The following SERPINA5 variants were observed in gnomAD, a reference collection of about 807,000 sequenced individuals.
The protein encoded by SERPINA5 is serpin family A member 5.
In SERPINA5, 25 loss-of-function variants were observed where a neutral mutation model predicts 25.3. The observed-to-expected ratio is 0.99, with a 90% CI of 0.72 to 1.38. SERPINA5 has a LOEUF of 1.38. Among genes scored for constraint, SERPINA5 ranks in the 40% most tolerant of loss-of-function variants. The pLI, the probability that SERPINA5 is intolerant of heterozygous loss-of-function variation, is 0.00. For synonymous variants in SERPINA5, 234 were observed against 206.2 expected (o/e 1.14, Z -1.16); for missense variants, 599 against 509.5 (o/e 1.18, Z -1.69).
At chr14:94,587,282 C>T (rs1885122065) in intron 2 of SERPINA5, 64 bp from the exon 3 acceptor site, 3 of 1,433,114 alleles carry the variant, frequency 2.1e-6, no homozygotes, top group Non-Finnish European at 1.9e-6. Flanking sequence ...GTGGGGACAT[C>T]TCTGGAAAGT....
rs75250001 is a variant in SERPINA5 at position 94,587,966 on chromosome 14, T to C, written c.604T>C (p.Tyr202His). Residue 202 changes from tyrosine (Y) to histidine (H), a missense_variant, in exon 3 of 6, where the codon TAC becomes CAC. Tyr to His is a moderately conservative substitution (Grantham distance 83). Coordinates refer to ENST00000329597, the MANE Select transcript of SERPINA5 (RefSeq NM_000624.6). ...CAATGCGGTCGTGATCATGGTGAAT[T>C]ACATCTTCTTTAAAGGTAAGGCCCT... ...DSNAVVIMVN[Y>H]IFFKAKWETS... 1.2e-5 allele frequency: 19 copies of C among 1,613,820 alleles called. No individual in the cohort carries two copies. In the East Asian group the frequency reaches 2.7e-4, roughly 23 times the overall value.
Position 94,587,635 on chromosome 14 carries a change from C to G in SERPINA5, c.273C>G (p.Ile91Met). The G allele has an allele frequency of 6.2e-7, 1 of 1,614,070 alleles. No individual in the cohort carries two copies. ...CTGGGTCCAGCACAAAGATGCAGAT[C>G]CTGGAGGGCCTGGGCCTCAACCTCC... ...LGAGSSTKMQILEGLGLNLQK... is the reference protein window; with the variant it reads ...LGAGSSTKMQMLEGLGLNLQK... Residue 91 changes from isoleucine to methionine, a missense_variant, in exon 3 of 6, where the codon ATC (isoleucine) becomes ATG (methionine). By Grantham distance (10) the Ile-to-Met change is conservative. Coordinates refer to ENST00000329597, the MANE Select transcript of SERPINA5 (RefSeq NM_000624.6).
At chr14:94,587,235 G>T in intron 2 of SERPINA5, 111 bp from the exon 3 acceptor site, 1 of 1,033,394 alleles carries the variant, frequency 9.7e-7, no homozygotes, top group Non-Finnish European at 1.4e-6. Context: ...CCTTCTCTTT[G>T]AAGCTGAATG....
Position 94,592,417 on chromosome 14 carries a change from G to C in SERPINA5, c.*178G>C. On this transcript the variant is annotated 3_prime_UTR_variant, in exon 6 of 6. Coordinates refer to ENST00000329597, the MANE Select transcript of SERPINA5 (RefSeq NM_000624.6). ...ACCCACACGACTGCAACATACAGGT[G>C]CCTTGGGGAAATGTGGAGAACATTC... 1.6e-6 allele frequency: 1 copy of C among 610,106 alleles called. No individual in the cohort carries two copies. The highest frequency in any genetic ancestry group is 2.8e-6 in the Non-Finnish European group (1 of 358,610). The allele number at this position is 610,106 out of a possible 1,614,324, so 37.8% of individuals were successfully genotyped here. A position where few individuals can be genotyped will look rare whatever the true frequency, so the allele number is the denominator to read the frequency against.
intron 3 of SERPINA5, 95 bp downstream of exon 3, chr14:94,588,076 G>A: frequency 6.7e-7 from 1 of 1,486,590 alleles, no homozygotes; most frequent in South Asian, 1.3e-5. Context: ...AAAAGACGGG[G>A]AGTACGTTAA....
At chr14:94,585,757 G>C (rs1885055992) in intron 2 of SERPINA5, among the ~76,000 whole-genome samples, 1 of 141,068 alleles carries the variant, frequency 7.1e-6, no homozygotes, top group South Asian at 2.4e-4. Flanking sequence ...GTGCTGTCAG[G>C]CTCACACGTG....
intron 5 of SERPINA5, among the ~76,000 whole-genome samples, chr14:94,591,167 C>T (rs1379540204): frequency 6.7e-6 from 1 of 149,164 alleles, no homozygotes; most frequent in East Asian, 2.0e-4. Flanking sequence ...TTCCACTCCT[C>T]CACTCCTCTC....
chr14:94,591,600 T>TTCTATTCTATTCTATTCTAC (rs1885303310), intron 5 of SERPINA5, among the ~76,000 whole-genome samples: 1 of 145,836 alleles, frequency 6.9e-6, no homozygotes, highest in Non-Finnish European at 1.5e-5. Context: ...TTCTATTCTA[T>TTCTATTCTATTCTATTCTAC]TCTATTCTAT....
chr14:94,590,817 G>A lies in SERPINA5; in HGVS notation c.959G>A (p.Ser320Asn), dbSNP rs2139931201. Residue 320 changes from serine to asparagine, a missense_variant, in exon 5 of 6, where the codon AGT becomes AAT. By Grantham distance (46) the Ser-to-Asn change is conservative. Coordinates refer to ENST00000329597, the MANE Select transcript of SERPINA5 (RefSeq NM_000624.6). ...TATCAGCTGGAGAAAGTCCTCCCCA[G>A]TCTGGGGATCAGTAACGTCTTCACC... ...GSYQLEKVLPSLGISNVFTSH... is the reference protein window; with the variant it reads ...GSYQLEKVLPNLGISNVFTSH... The A allele has an allele frequency of 1.2e-6, 2 of 1,614,034 alleles. No homozygotes were observed. Among genetic ancestry groups the A allele is most frequent in the Non-Finnish European group, 1.7e-6 (2 of 1,179,980 alleles).
chr14:94,584,040 T>C (rs1161962508), intron 2 of SERPINA5, among the ~76,000 whole-genome samples: 1 of 152,192 alleles, frequency 6.6e-6, no homozygotes, highest in Non-Finnish European at 1.5e-5. Context: ...AGGATAATGA[T>C]ACTAACTCCA....
rs141645745 is a variant in SERPINA5 at position 94,587,844 on chromosome 14, A to T, written c.482A>T (p.Asn161Ile). 5.3e-5 allele frequency: 85 copies of T among 1,613,840 alleles called. 1 individual carries two copies. In the African/African-American group the frequency reaches 1.0e-3, roughly 19 times the overall value. Residue 161 changes from asparagine (N) to isoleucine (I), a missense_variant, in exon 3 of 6, where the codon AAC (asparagine) becomes ATC (isoleucine). Coordinates refer to ENST00000329597, the MANE Select transcript of SERPINA5 (RefSeq NM_000624.6). ...TLYLADTFPT[N>I]FRDSAGAMKQ... ...TACCTGGCAGACACTTTCCCTACCA[A>T]CTTTAGGGACTCTGCAGGGGCCATG...
In SERPINA5 at chr14:94,592,220, G is replaced by T. The variant is rs763389023; in HGVS notation, c.1202G>T (p.Gly401Val). The T allele has an allele frequency of 1.5e-5, 24 of 1,613,466 alleles. No homozygotes were observed. The highest frequency in any genetic ancestry group is 1.9e-5 in the Non-Finnish European group (23 of 1,179,666). The change falls in exon 6 of 6, where the codon GGC becomes GTC. Residue 401 changes from glycine (G) to valine (V), a missense_variant. Gly to Val is a moderately radical substitution (Grantham distance 109). Coordinates refer to ENST00000329597, the MANE Select transcript of SERPINA5 (RefSeq NM_000624.6). Reference sequence around the variant, plus strand: ...GTGGATAACAACATCCTCTTCCTTGGCAAAGTGAACCGCCCCTGAGGTGGG... The same window carrying T: ...GTGGATAACAACATCCTCTTCCTTGTCAAAGTGAACCGCCCCTGAGGTGGG... ...FIVDNNILFL[G>V]KVNRP is the part of the protein sequence containing the mutation.
intron 2 of SERPINA5, among the ~76,000 whole-genome samples, chr14:94,583,288 G>A (rs916872925): frequency 3.9e-4 from 59 of 152,356 alleles, no homozygotes; most frequent in African/African-American, 1.4e-3. Context: ...AGCTACTGGG[G>A]TAGCCCTGGG....
intron 4 of SERPINA5, 118 bp downstream of exon 4, chr14:94,590,429 C>T (rs931325502): frequency 3.8e-6 from 5 of 1,305,628 alleles, no homozygotes; most frequent in African/African-American, 1.5e-5. Flanking sequence ...GGAGCTGCCT[C>T]CAGGCCCAGA....
Position 94,590,861 on chromosome 14 carries a change from G to C in SERPINA5, c.1003G>C (p.Gly335Arg), listed in dbSNP as rs3177818. ...CTTCACCTCCCATGCTGATCTGTCC[G>C]GCATCAGCAACCACTCAAATATCCA... Reference protein sequence around the residue: ...NVFTSHADLSGISNHSNIQVS... With the variant: ...NVFTSHADLSRISNHSNIQVS... Residue 335 changes from glycine to arginine, a missense_variant, in exon 5 of 6, where the codon GGC (glycine) becomes CGC (arginine). Transcript: ENST00000329597. 1 of 1,612,972 alleles carries C rather than the reference G, an allele frequency of 6.2e-7. No homozygotes were observed. The highest frequency in any genetic ancestry group is 8.5e-7 in the Non-Finnish European group (1 of 1,179,388).
intron 4 of SERPINA5, 112 bp downstream of exon 4, chr14:94,590,423 CT>C: frequency 7.4e-6 from 10 of 1,344,392 alleles, no homozygotes; most frequent in Middle Eastern, 2.7e-4. Context: ...AGCCAAGGAG[CT>C]GCCTCCAGGC....
rs199628386 is a variant in SERPINA5, at chr14:94,590,116, G to T, written c.695G>T (p.Arg232Leu). The T allele has an allele frequency of 3.7e-6, 6 of 1,613,974 alleles. No homozygotes were observed. The South Asian group carries it at 5.5e-5, about 15-fold the overall frequency. ...TACGTGACCTCGGAGACTGTGGTGC[G>T]GGTACCCATGATGAGCCGCGAGGAT... ...DFYVTSETVV[R>L]VPMMSREDQY... The change falls in exon 4 of 6, where the codon CGG becomes CTG. Residue 232 changes from arginine (R) to leucine (L), a missense_variant. Arg to Leu is a moderately radical substitution (Grantham distance 102). Coordinates refer to ENST00000329597, the MANE Select transcript of SERPINA5 (RefSeq NM_000624.6).
chr14:94,587,334 T>C lies in SERPINA5; in HGVS notation c.-17-12T>C. On this transcript the variant is annotated splice_polypyrimidine_tract_variant and intron_variant, in intron 2 of 5. Transcript: ENST00000329597. The stretch of plus-strand genomic sequence containing the variant: ...TCCACCCCTCTCTGAGGACACCTTC[T>C]TTCCCTTTCAGAACAAAGAACAGCC... 2 of 1,568,752 alleles carry C rather than the reference T, an allele frequency of 1.3e-6. No homozygotes were observed. Among genetic ancestry groups the C allele is most frequent in the South Asian group, 2.4e-5 (2 of 82,948 alleles).
At chr14:94,585,825 C>A (rs745428811) in intron 2 of SERPINA5, among the ~76,000 whole-genome samples, 1 of 149,420 alleles carries the variant, frequency 6.7e-6, no homozygotes, top group East Asian at 2.0e-4. Context: ...CCCTATGGTA[C>A]AGTTGAGAAT....
Sources: allele counts gnomAD v4.1 joint callset (sites outside exome capture counted in the v4.1 genomes callset), GRCh38; gene constraint gnomAD v4.1.1; transcripts MANE v1.5; gene names NCBI Gene and HGNC (gene_info 2026-07-23, HGNC 2026-07-21).